IBA57: variants seen among roughly 807,000 people sequenced by gnomAD.
IBA57 encodes the protein iron-sulfur cluster assembly factor IBA57.
IBA57 carries 20 observed loss-of-function variants against 20.4 expected under a neutral mutation model. That is an observed-to-expected ratio of 0.98 (90% CI 0.69 to 1.42). The LOEUF is 1.42. Ranked by LOEUF, IBA57 falls within the 40% of genes most tolerant of loss-of-function variation. The pLI is 0.00. For synonymous variants in IBA57, 310 were observed against 233.9 expected (o/e 1.33, Z -2.97); for missense variants, 608 against 499.3 (o/e 1.22, Z -2.07).
In IBA57 at chr1:228,174,734, T is replaced by C; in HGVS notation, c.384T>C (p.Cys128=). 1.3e-6 allele frequency: 2 copies of C among 1,597,862 alleles called. No homozygotes were observed. The highest frequency in any genetic ancestry group is 1.7e-6 in the Non-Finnish European group (2 of 1,174,000). Residue 128 remains cysteine (C), a synonymous_variant, in exon 2 of 3, where the codon TGT becomes TGC. Coordinates refer to ENST00000366711, the MANE Select transcript of IBA57 (RefSeq NM_001010867.4). ...HSEVSGFLLE[C]DSSVQGALQK... ...AGGTGTCTGGCTTCCTTCTGGAGTGTGACAGCTCGGTGCAGGGCGCGCTGC... is the reference window on the plus strand; with the variant it reads ...AGGTGTCTGGCTTCCTTCTGGAGTGCGACAGCTCGGTGCAGGGCGCGCTGC...
intron 1 of IBA57, among the ~76,000 whole-genome samples, chr1:228,173,884 T>A (rs1334074753): frequency 1.3e-5 from 2 of 152,240 alleles, no homozygotes; most frequent in Non-Finnish European, 2.9e-5. Context: ...CTGTCTGCGC[T>A]GGCCCCTGTG....
Position 228,175,550 on chromosome 1 carries a change from TG to T in IBA57, c.*41del. The T allele has an allele frequency of 6.6e-7, 1 of 1,521,140 alleles. No homozygotes were observed. The highest frequency in any genetic ancestry group is 1.4e-5 in the African/African-American group (1 of 72,160). 94.2% of individuals were successfully genotyped at this position (1,521,140 alleles called of 1,614,324 possible). A position where few individuals can be genotyped will look rare whatever the true frequency, so the allele number is the denominator to read the frequency against. On this transcript the variant is annotated 3_prime_UTR_variant, in exon 3 of 3. Transcript: ENST00000366711. ...GGCTGGCGCAGGCTGATGGGGAGGCTGGGGCCTGGGGCCTTTGGCCTCTGTC... is the reference window on the plus strand; with the variant it reads ...GGCTGGCGCAGGCTGATGGGGAGGCTGGGCCTGGGGCCTTTGGCCTCTGTC...
At position 228,175,227 on chromosome 1, in the gene IBA57, G is replaced by A. The variant is rs755381927; in HGVS notation, c.785G>A (p.Gly262Asp). ...GVSFTKGCYI[G>D]QELTARTHHM... Reference sequence around the variant, plus strand: ...AGCTTCACCAAAGGCTGCTACATTGGCCAGGAGCTGACGGCCCGCACCCAC... The same window carrying A: ...AGCTTCACCAAAGGCTGCTACATTGACCAGGAGCTGACGGCCCGCACCCAC... Residue 262 changes from glycine to aspartate, a missense_variant, in exon 3 of 3, where the codon GGC becomes GAC. Coordinates refer to ENST00000366711, the MANE Select transcript of IBA57 (RefSeq NM_001010867.4). 2.5e-6 allele frequency: 4 copies of A among 1,612,906 alleles called. No individual in the cohort carries two copies. The South Asian group carries it at 4.4e-5, about 18-fold the overall frequency.
intron 1 of IBA57, among the ~76,000 whole-genome samples, chr1:228,166,557 G>C (rs576449430): frequency 6.6e-6 from 1 of 152,032 alleles, no homozygotes; most frequent in Non-Finnish European, 1.5e-5. Context: ...TTCTCCCTCC[G>C]CAGGGACAAG....
intron 1 of IBA57, chr1:228,171,925 T>G (rs1323306940): frequency 6.6e-6 from 1 of 152,292 alleles, no homozygotes. Flanking sequence ...CATCTTTGTC[T>G]GCTGACCCCA....
Position 228,175,112 on chromosome 1 carries a change from A to G in IBA57, c.680-10A>G, listed in dbSNP as rs1309314239. On this transcript the variant is annotated splice_polypyrimidine_tract_variant and intron_variant, in intron 2 of 2. Coordinates refer to ENST00000366711, the MANE Select transcript of IBA57 (RefSeq NM_001010867.4). ...AATTCTCGCTGGTTTCCCCCCTCCAATCCCTGCAGGCGTTCCTGAGGGGGT... is the reference window on the plus strand; with the variant it reads ...AATTCTCGCTGGTTTCCCCCCTCCAGTCCCTGCAGGCGTTCCTGAGGGGGT... 1.9e-6 allele frequency: 3 copies of G among 1,607,436 alleles called. No homozygotes were observed. Among genetic ancestry groups the G allele is most frequent in the Admixed American group, 1.7e-5 (1 of 59,674 alleles).
At position 228,176,825 on chromosome 1, in the gene IBA57, G is replaced by A. The variant is rs932434144; in HGVS notation, c.*1312G>A. 3.3e-5 allele frequency: 5 copies of A among 150,144 alleles called. No individual in the cohort carries two copies. The highest frequency in any genetic ancestry group is 9.8e-5 in the African/African-American group (4 of 40,662). The allele number at this position is 150,144 out of a possible 1,614,324, so 9.3% of individuals were successfully genotyped here. A position where few individuals can be genotyped will look rare whatever the true frequency, so the allele number is the denominator to read the frequency against. ...TGATCACCCAGGAGGAGGGTGTAGA[G>A]CGGATGGACGGGAGGAAGCGGCTGC... On this transcript the variant is annotated 3_prime_UTR_variant, in exon 3 of 3. Transcript: ENST00000366711.
rs6667424 is a variant in IBA57 at position 228,178,825 on chromosome 1, A to G, written c.*3312A>G. On this transcript the variant is annotated 3_prime_UTR_variant, in exon 3 of 3. Transcript: ENST00000366711. Reference sequence around the variant, plus strand: ...TCAAGCGCAGCCCGAGAGGAGAGGCAGGAGCCTGGGAGAGCCTCTGCTAGA... The same window carrying G: ...TCAAGCGCAGCCCGAGAGGAGAGGCGGGAGCCTGGGAGAGCCTCTGCTAGA... The G allele has an allele frequency of 0.95, 145,330 of 152,272 alleles. 69,739 individuals are homozygous for G. Among genetic ancestry groups the G allele is most frequent in the East Asian group, 1 (5,162 of 5,162 alleles). 9.4% of individuals were successfully genotyped at this position (152,272 alleles called of 1,614,324 possible).
intron 1 of IBA57, chr1:228,172,606 C>G (rs1324726339): frequency 5.9e-5 from 9 of 152,278 alleles, no homozygotes; most frequent in Admixed American, 5.9e-4. Context: ...TGAGCTTTCG[C>G]TGCAGGTTTT....
chr1:228,179,009 G>C lies in IBA57; in HGVS notation c.*3496G>C, dbSNP rs1041967399. 6.6e-6 allele frequency: 1 copy of C among 152,200 alleles called. No individual in the cohort carries two copies. Among genetic ancestry groups the C allele is most frequent in the Non-Finnish European group, 1.5e-5 (1 of 68,082 alleles). 9.4% of individuals were successfully genotyped at this position (152,200 alleles called of 1,614,324 possible). A position where few individuals can be genotyped will look rare whatever the true frequency, so the allele number is the denominator to read the frequency against. ...CTCTGGACTGGTGAGGCTGCATTGC[G>C]GAGGCGCGCACACCCAGCTGGGCCC... On this transcript the variant is annotated 3_prime_UTR_variant, in exon 3 of 3. Coordinates refer to ENST00000366711, the MANE Select transcript of IBA57 (RefSeq NM_001010867.4).
At position 228,174,495 on chromosome 1, in the gene IBA57, C is replaced by G. The variant is rs1470262766; in HGVS notation, c.342-197C>G. ...GGCGTGGCTCGCTGTGGGCGTGGCT[C>G]GCTGTGGGCGTGGCTCCCTGCGTGT... is the stretch of plus-strand genomic sequence containing the variant. On this transcript the variant is annotated intron_variant, in intron 1 of 2. Transcript: ENST00000366711. 2 of 427,114 alleles carry G rather than the reference C, an allele frequency of 4.7e-6. 1 individual carries two copies. Among genetic ancestry groups the G allele is most frequent in the Admixed American group, 9.1e-5 (2 of 22,008 alleles). The allele number at this position is 427,114 out of a possible 1,614,324, so 26.5% of individuals were successfully genotyped here.
rs1159955660 is a variant in IBA57 at position 228,174,859 on chromosome 1, G to A, written c.509G>A (p.Cys170Tyr). ...GTGTTGCCCAGTTCCCCTGAGGCCT[G>A]CGGGGCTGCATCGCTGCAGGAGAGG... The part of the protein sequence containing the change: ...WAVLPSSPEA[C>Y]GAASLQERAG... Residue 170 changes from cysteine (C) to tyrosine (Y), a missense_variant, in exon 2 of 3, where the codon TGC (cysteine) becomes TAC (tyrosine). Transcript: ENST00000366711. 6.2e-7 allele frequency: 1 copy of A among 1,610,108 alleles called. No individual in the cohort carries two copies. The highest frequency in any genetic ancestry group is 2.2e-5 in the East Asian group (1 of 44,814).
In IBA57 at chr1:228,174,737, C is replaced by T. The variant is rs2034980709; in HGVS notation, c.387C>T (p.Asp129=). ...SEVSGFLLEC[D]SSVQGALQKH... is the part of the protein sequence containing the mutation. The stretch of plus-strand genomic sequence containing the variant: ...TGTCTGGCTTCCTTCTGGAGTGTGA[C>T]AGCTCGGTGCAGGGCGCGCTGCAGA... Residue 129 remains aspartate, a synonymous_variant, in exon 2 of 3, where the codon GAC becomes GAT. Coordinates refer to ENST00000366711, the MANE Select transcript of IBA57 (RefSeq NM_001010867.4). 3.1e-6 allele frequency: 5 copies of T among 1,599,046 alleles called. No individual in the cohort carries two copies. The East Asian group carries it at 9.0e-5, about 29-fold the overall frequency.
chr1:228,166,222 C>T (rs1459048474), intron 1 of IBA57, 65 bp downstream of exon 1: 9 of 1,201,626 alleles, frequency 7.5e-6, no homozygotes, highest in Admixed American at 4.2e-5. Context: ...GACCGGCACC[C>T]AGGGACAGGG....
chr1:228,167,550 T>G (rs1459034505), intron 1 of IBA57, among the ~76,000 whole-genome samples: 7 of 152,240 alleles, frequency 4.6e-5, no homozygotes, highest in Middle Eastern at 3.4e-3. Context: ...AGAGACAGGG[T>G]TTCACCATAT....
chr1:228,166,496 A>G (rs751241517), intron 1 of IBA57, among the ~76,000 whole-genome samples: 2 of 152,054 alleles, frequency 1.3e-5, no homozygotes, highest in African/African-American at 2.4e-5. Context: ...ACCATATCAG[A>G]GCAGAGGCGT....
At chr1:228,175,072 AGCTGGACGATGTTCAATTCTC>A (rs1276312978) in intron 2 of IBA57, 29 bp from the exon 3 acceptor site, 1 of 1,582,088 alleles carries the variant, frequency 6.3e-7, no homozygotes, top group African/African-American at 1.3e-5. Context: ...GCACGGGTGG[AGCTGGACGATGTTCAATTCTC>A]GCTGGTTTCC....
intron 1 of IBA57, chr1:228,173,395 T>C (rs2034952008): frequency 2.1e-5 from 2 of 95,596 alleles, no homozygotes; most frequent in Non-Finnish European, 4.3e-5. Flanking sequence ...TGTCTCCACT[T>C]AGTGCCCCCC....
chr1:228,175,298 G>A lies in IBA57; in HGVS notation c.856G>A (p.Asp286Asn). The change falls in exon 3 of 3, where the codon GAC becomes AAC. Residue 286 changes from aspartate (D) to asparagine (N), a missense_variant. Physicochemically the swap from Asp to Asn is conservative, Grantham distance 23 (BLOSUM62 1). Coordinates refer to ENST00000366711, the MANE Select transcript of IBA57 (RefSeq NM_001010867.4). ...RKRLFPVRFLDPLPTSGITPG... is the reference protein window; with the variant it reads ...RKRLFPVRFLNPLPTSGITPG... ...GCGCCTCTTCCCTGTCCGGTTCTTG[G>A]ACCCCCTTCCCACCAGTGGCATCAC... The A allele has an allele frequency of 6.2e-7, 1 of 1,612,878 alleles. No individual in the cohort carries two copies. Among genetic ancestry groups the A allele is most frequent in the Non-Finnish European group, 8.5e-7 (1 of 1,179,982 alleles).
Sources: allele counts gnomAD v4.1 joint callset (sites outside exome capture counted in the v4.1 genomes callset), GRCh38; gene constraint gnomAD v4.1.1; transcripts MANE v1.5; gene names NCBI Gene and HGNC (gene_info 2026-07-23, HGNC 2026-07-21).